The following SKAP2 variants were observed in gnomAD, a reference collection of about 807,000 sequenced individuals.
The protein encoded by SKAP2 is src kinase-associated phosphoprotein 2.
A neutral mutation model predicts 54.9 loss-of-function variants in SKAP2; 28 were observed. The observed-to-expected ratio is 0.51, with a 90% confidence interval of 0.38 to 0.70. The LOEUF is 0.70. Ranked by LOEUF, SKAP2 falls within the 30% of genes least tolerant of loss-of-function variation. The pLI is 0.00. For synonymous variants in SKAP2, 137 were observed against 134.3 expected, an observed-to-expected ratio of 1.02 and a Z score of -0.14; for missense variants, 356 against 424.1, an observed-to-expected ratio of 0.84 and a Z score of 1.41.
At chr7:26,777,802 G>T (rs1270401518) in intron 4 of SKAP2, among the ~76,000 whole-genome samples, 1 of 152,024 alleles carries the variant, frequency 6.6e-6, no homozygotes, top group Non-Finnish European at 1.5e-5. Flanking sequence ...TCAAAGACAG[G>T]CATGAATGGT....
At chr7:26,679,159 C>G (rs1786425089) in intron 11 of SKAP2, among the ~76,000 whole-genome samples, 1 of 152,220 alleles carries the variant, frequency 6.6e-6, no homozygotes, top group African/African-American at 2.4e-5. Flanking sequence ...CTCTCTGACA[C>G]TGCCTTCTGG....
At chr7:26,767,041 T>C (rs1417303587) in intron 4 of SKAP2, among the ~76,000 whole-genome samples, 1 of 152,208 alleles carries the variant, frequency 6.6e-6, no homozygotes, top group Non-Finnish European at 1.5e-5. Context: ...TCAGAAGGAA[T>C]AGTACCAGCT....
At chr7:26,807,794 T>TCAG (rs1784060215) in intron 4 of SKAP2, among the ~76,000 whole-genome samples, 1 of 152,204 alleles carries the variant, frequency 6.6e-6, no homozygotes, top group Admixed American at 6.5e-5. Flanking sequence ...TCCTGATTAG[T>TCAG]CAGCAGTGAT....
At chr7:26,686,582 CAT>C (rs1272260777) in intron 10 of SKAP2, among the ~76,000 whole-genome samples, 6 of 152,162 alleles carry the variant, frequency 3.9e-5, no homozygotes, top group Non-Finnish European at 7.3e-5. Context: ...TCACTTCAAA[CAT>C]TGTCAATTTT....
chr7:26,708,318 T>C (rs1787213985), intron 9 of SKAP2, among the ~76,000 whole-genome samples: 2 of 152,192 alleles, frequency 1.3e-5, no homozygotes, highest in Admixed American at 1.3e-4. Context: ...TCTTGAGCAA[T>C]GGGGTTTCTT....
At chr7:26,762,983 T>C (rs1373577417) in intron 4 of SKAP2, among the ~76,000 whole-genome samples, 4 of 152,158 alleles carry the variant, frequency 2.6e-5, no homozygotes, top group Non-Finnish European at 4.4e-5. Flanking sequence ...CTGAACAAAC[T>C]TGCTAGTCAG....
At chr7:26,836,015 A>G (rs1217899753) in intron 4 of SKAP2, among the ~76,000 whole-genome samples, 3 of 152,312 alleles carry the variant, frequency 2.0e-5, no homozygotes, top group East Asian at 3.9e-4. Context: ...ACGGAACAGA[A>G]AAGAGGCCAC....
intron 3 of SKAP2, among the ~76,000 whole-genome samples, chr7:26,846,702 C>T (rs1784928199): frequency 2.0e-5 from 3 of 152,078 alleles, no homozygotes; most frequent in South Asian, 4.2e-4. Context: ...AAAAATAGAC[C>T]GGGTGCGGTG....
intron 9 of SKAP2, among the ~76,000 whole-genome samples, chr7:26,698,256 G>T (rs899417998): frequency 5.3e-5 from 8 of 152,174 alleles, no homozygotes; most frequent in Non-Finnish European, 8.8e-5. Flanking sequence ...CAGTTTCATA[G>T]AAAGAACCAT....
intron 9 of SKAP2, 90 bp from the exon 10 acceptor site, chr7:26,690,452 G>C: frequency 3.9e-6 from 3 of 768,140 alleles, no homozygotes; most frequent in Non-Finnish European, 2.2e-6. Context: ...AAAACTAAAA[G>C]TTTATAACAC....
chr7:26,743,612 A>G (rs987692107), intron 4 of SKAP2, among the ~76,000 whole-genome samples: 5 of 152,214 alleles, frequency 3.3e-5, no homozygotes, highest in African/African-American at 1.2e-4. Context: ...TGCCCGAAAA[A>G]GTAAGGTATA....
At chr7:26,664,095 A>G (rs1562567748), downstream of SKAP2, among the ~76,000 whole-genome samples, 2 of 152,174 alleles carry the variant, frequency 1.3e-5, no homozygotes, top group African/African-American at 2.4e-5. Context: ...AATCCAAATA[A>G]GCATTTGGTT....
rs142881525 is a variant in SKAP2 at position 26,710,064 on chromosome 7, A to C, written c.796+15364T>G. The stretch of plus-strand genomic sequence containing the variant: ...GGATTCTGCAGTAATTCATGTCAGG[A>C]AAATAATCATCATAAAGAGAAAGTT... On this transcript the variant is annotated intron_variant, in intron 9 of 12. Transcript: ENST00000345317. 2.0e-5 allele frequency among the ~76,000 whole-genome samples: 3 copies of C among 152,308 alleles called. No individual in the cohort carries two copies. In the East Asian group the frequency reaches 5.8e-4, roughly 29 times the overall value.
intron 4 of SKAP2, among the ~76,000 whole-genome samples, chr7:26,833,856 C>T (rs1237457426): frequency 6.6e-6 from 1 of 152,176 alleles, no homozygotes; most frequent in Non-Finnish European, 1.5e-5. Flanking sequence ...ACCTAACAGA[C>T]ATCTACAGAA....
intron 11 of SKAP2, among the ~76,000 whole-genome samples, chr7:26,682,633 T>C (rs1786529688): frequency 6.6e-6 from 1 of 152,170 alleles, no homozygotes; most frequent in African/African-American, 2.4e-5. Flanking sequence ...ATGATCATGA[T>C]GGTGAAACTT....
chr7:26,846,420 T>C (rs190183881), intron 3 of SKAP2, among the ~76,000 whole-genome samples: 285 of 152,254 alleles, frequency 1.9e-3, no homozygotes, highest in African/African-American at 5.9e-3. Context: ...ATAACATCCA[T>C]TATTATGTGT....
chr7:26,783,333 T>C (rs890038162), intron 4 of SKAP2, among the ~76,000 whole-genome samples: 2 of 152,072 alleles, frequency 1.3e-5, no homozygotes, highest in African/African-American at 4.8e-5. Context: ...CTTCCTCCAA[T>C]CCATACCGTT....
intron 4 of SKAP2, among the ~76,000 whole-genome samples, chr7:26,823,165 C>T (rs1222632188): frequency 7.9e-5 from 12 of 152,054 alleles, no homozygotes; most frequent in Non-Finnish European, 1.5e-5. Flanking sequence ...GTGGCTCACG[C>T]CTGTAATCCC....
downstream of SKAP2, among the ~76,000 whole-genome samples, chr7:26,665,882 A>T (rs573124975): frequency 1.7e-3 from 258 of 152,252 alleles, 1 homozygote; most frequent in African/African-American, 6.0e-3. Flanking sequence ...GTATAATAAT[A>T]TTTTAACAAT....
Sources: allele counts gnomAD v4.1 joint callset (sites outside exome capture counted in the v4.1 genomes callset), GRCh38; gene constraint gnomAD v4.1.1; transcripts MANE v1.5; gene names NCBI Gene and HGNC (gene_info 2026-07-23, HGNC 2026-07-21).